Variants in STK33 observed in about 807,000 individuals in gnomAD.
STK33 encodes the protein serine/threonine-protein kinase 33.
STK33 carries 52 observed loss-of-function variants against 58.0 expected under a neutral mutation model. That is an observed-to-expected ratio of 0.90 (90% confidence interval 0.72 to 1.13). The LOEUF (loss-of-function observed/expected upper bound fraction) is 1.13, where lower values mean the gene tolerates loss of function less well. Ranked by LOEUF, STK33 falls within the 50% of genes most tolerant of loss-of-function variation. The pLI is 0.00. For missense variants in STK33, 630 were observed against 604.2 expected (o/e 1.04, Z -0.45); for synonymous variants, 215 against 200.1 (o/e 1.07, Z -0.63).
intron 6 of STK33, among the ~76,000 whole-genome samples, chr11:8,467,906 C>T (rs1300678673): frequency 1.3e-5 from 2 of 151,912 alleles, no homozygotes; most frequent in Admixed American, 1.3e-4. Flanking sequence ...GATCGCACCA[C>T]TGCACTCTAG....
chr11:8,431,451 A>G (rs375087243), intron 14 of STK33, among the ~76,000 whole-genome samples: 18 of 152,192 alleles, frequency 1.2e-4, no homozygotes, highest in African/African-American at 4.3e-4. Flanking sequence ...CTGTTCATAC[A>G]TTAGGAAAGA....
chr11:8,351,851 GGAA>G, the STK33 span, among the ~76,000 whole-genome samples: 2 of 152,200 alleles, frequency 1.3e-5, no homozygotes, highest in South Asian at 2.1e-4. Flanking sequence ...TGGAGCTGAT[GGAA>G]GAAGGTTAGG....
At chr11:8,453,547 G>T (rs1946526769) in intron 10 of STK33, among the ~76,000 whole-genome samples, 1 of 152,202 alleles carries the variant, frequency 6.6e-6, no homozygotes, top group African/African-American at 2.4e-5. Context: ...CAAATACACT[G>T]GTGGCCTAGT....
chr11:8,347,143 C>G, the STK33 span, among the ~76,000 whole-genome samples: 1 of 151,252 alleles, frequency 6.6e-6, no homozygotes, highest in Non-Finnish European at 1.5e-5. Flanking sequence ...AGGACTGTTT[C>G]TCTCCCCTTT....
chr11:8,452,635 T>A (rs991090084), intron 11 of STK33, among the ~76,000 whole-genome samples, 187 bp downstream of exon 11: 29 of 151,140 alleles, frequency 1.9e-4, no homozygotes, highest in African/African-American at 6.6e-4. Context: ...CAAAAAAAAA[T>A]TAATTAGCCA....
intron 1 of STK33, among the ~76,000 whole-genome samples, chr11:8,505,711 A>G (rs1951817161): frequency 2.0e-5 from 3 of 152,190 alleles, no homozygotes; most frequent in Admixed American, 6.5e-5. Flanking sequence ...TACTTCGTTC[A>G]TTACTTTACT....
chr11:8,494,086 A>C (rs1435928058), intron 1 of STK33, among the ~76,000 whole-genome samples: 1 of 152,214 alleles, frequency 6.6e-6, no homozygotes, highest in African/African-American at 2.4e-5. Flanking sequence ...AAGTATTGGA[A>C]GTTCTGGCCA....
chr11:8,479,449 G>A (rs11041944), intron 2 of STK33, among the ~76,000 whole-genome samples: 66,831 of 147,718 alleles, frequency 0.45, 15,455 homozygotes, highest in Non-Finnish European at 0.51. Flanking sequence ...AAAAAAAAGC[G>A]AGAACAGAAA....
chr11:8,382,178 C>A, the STK33 span, among the ~76,000 whole-genome samples: 1 of 152,190 alleles, frequency 6.6e-6, no homozygotes, highest in Non-Finnish European at 1.5e-5. Flanking sequence ...ATCGGAGGAC[C>A]GCAGGGCCCG....
chr11:8,553,031 C>T (rs957252128), intron 1 of STK33, among the ~76,000 whole-genome samples: 3 of 150,708 alleles, frequency 2.0e-5, no homozygotes, highest in Non-Finnish European at 4.4e-5. Flanking sequence ...TGGCACACAC[C>T]TGTAGTCCCA....
intron 11 of STK33, among the ~76,000 whole-genome samples, chr11:8,445,625 C>T (rs1945342332): frequency 6.7e-6 from 1 of 149,444 alleles, no homozygotes; most frequent in Non-Finnish European, 1.5e-5. Context: ...TTTTCTGCAT[C>T]TATTGAGATA....
At chr11:8,367,631 T>C in the STK33 span, among the ~76,000 whole-genome samples, 8 of 152,198 alleles carry the variant, frequency 5.3e-5, no homozygotes, top group African/African-American at 1.7e-4. Flanking sequence ...TCAAACACAA[T>C]GATTGTTCTG....
chr11:8,335,106 A>T, the STK33 span, among the ~76,000 whole-genome samples: 7 of 152,256 alleles, frequency 4.6e-5, no homozygotes, highest in Admixed American at 4.6e-4. Context: ...TGCGCGGAGG[A>T]ATGAAGGGCC....
intron 1 of STK33, among the ~76,000 whole-genome samples, chr11:8,520,130 A>G (rs1953261517): frequency 1.3e-5 from 2 of 152,246 alleles, no homozygotes; most frequent in Admixed American, 6.5e-5. Context: ...CAGCACATCA[A>G]AAAGCTTATC....
intron 9 of STK33, 151 bp from the exon 10 acceptor site, chr11:8,454,983 T>G: frequency 1.2e-6 from 1 of 812,194 alleles, no homozygotes; most frequent in Middle Eastern, 4.1e-4. Context: ...CTCTCATTTA[T>G]AAATGCTTCC....
intron 1 of STK33, among the ~76,000 whole-genome samples, chr11:8,506,523 A>C (rs1423919795): frequency 3.9e-5 from 6 of 152,116 alleles, no homozygotes; most frequent in Non-Finnish European, 7.3e-5. Flanking sequence ...TTAGGAGAGA[A>C]TCTGTTTCCA....
intron 1 of STK33, among the ~76,000 whole-genome samples, chr11:8,503,424 C>T (rs1395092158): frequency 2.0e-5 from 3 of 152,100 alleles, no homozygotes; most frequent in Non-Finnish European, 2.9e-5. Context: ...ACTGAGTACA[C>T]ATGGACACAA....
chr11:8,486,216 G>A (rs1300270953), intron 1 of STK33, among the ~76,000 whole-genome samples: 5 of 152,162 alleles, frequency 3.3e-5, no homozygotes, highest in African/African-American at 1.2e-4. Context: ...CCACTTCAGT[G>A]GCTCCCAAAA....
intron 14 of STK33, among the ~76,000 whole-genome samples, chr11:8,427,732 C>T (rs1942945603): frequency 6.6e-6 from 1 of 152,160 alleles, no homozygotes; most frequent in Non-Finnish European, 1.5e-5. Context: ...ACTATGTATC[C>T]TATATCACTG....
Sources: allele counts gnomAD v4.1 joint callset (sites outside exome capture counted in the v4.1 genomes callset), GRCh38; gene constraint gnomAD v4.1.1; transcripts MANE v1.5; gene names NCBI Gene and HGNC (gene_info 2026-07-23, HGNC 2026-07-21).